The following DYRK1A variants were observed in gnomAD, a reference collection of about 807,000 sequenced individuals.
DYRK1A encodes the protein dual specificity tyrosine-phosphorylation-regulated kinase 1A.
DYRK1A carries 9 observed loss-of-function variants against 79.7 expected under a neutral mutation model. That is an observed-to-expected ratio of 0.11 (90% CI 0.07 to 0.20). The LOEUF is 0.20. DYRK1A is among the 10% of genes least tolerant of loss of function. The pLI, the probability that DYRK1A is intolerant of heterozygous loss-of-function variation, is 1.00. For missense variants in DYRK1A, 622 were observed against 956.0 expected (o/e 0.65, Z 4.61); for synonymous variants, 349 against 329.7 (o/e 1.06, Z -0.63).
At chr21:37,414,256 C>T (rs934450530) in intron 1 of DYRK1A, among the ~76,000 whole-genome samples, 12 of 151,960 alleles carry the variant, frequency 7.9e-5, no homozygotes, top group Admixed American at 7.2e-4. Context: ...TTTTTCCTCC[C>T]TTTTTGAGTA....
chr21:37,456,011 T>G (rs529468954), intron 2 of DYRK1A: 1 of 152,308 alleles, frequency 6.6e-6, no homozygotes, highest in South Asian at 2.1e-4. Flanking sequence ...CCTTGCACAC[T>G]TTTATCTGTC....
At chr21:37,502,404 A>G (rs572030682) in intron 9 of DYRK1A, 1 of 151,652 alleles carries the variant, frequency 6.6e-6, no homozygotes, top group South Asian at 2.1e-4. Flanking sequence ...TCTTGTACTG[A>G]TTTTTTTACT....
chr21:37,472,988 C>G, intron 3 of DYRK1A, 108 bp downstream of exon 3: 2 of 853,988 alleles, frequency 2.3e-6, no homozygotes, highest in Admixed American at 3.1e-5. Flanking sequence ...GTTTTACATG[C>G]AACGTGGGAT....
At position 37,367,418 on chromosome 21, in the gene DYRK1A, G is replaced by T. The variant is rs1222912771; in HGVS notation, c.-287G>T. 1.3e-5 allele frequency: 2 copies of T among 148,868 alleles called. No individual in the cohort carries two copies. The highest frequency in any genetic ancestry group is 1.3e-4 in the Admixed American group (2 of 15,004). The allele number at this position is 148,868 out of a possible 1,614,324, so 9.2% of individuals were successfully genotyped here. The stretch of plus-strand genomic sequence containing the variant: ...GGACTGCGGTATTTGCCGGGGAGGG[G>T]GCTGTCGCCTCCCCGGCCCCGGGCG... On this transcript the variant is annotated 5_prime_UTR_variant, in exon 1 of 12. Transcript: ENST00000647188.
upstream of DYRK1A, chr21:37,366,150 C>G (rs529604688): frequency 6.6e-6 from 1 of 151,666 alleles, no homozygotes; most frequent in African/African-American, 2.4e-5. Context: ...CGCCGCGCTT[C>G]CCGGGGAGAG....
intron 2 of DYRK1A, among the ~76,000 whole-genome samples, chr21:37,427,632 A>G (rs1167164540): frequency 1.3e-5 from 2 of 152,200 alleles, no homozygotes; most frequent in African/African-American, 4.8e-5. Context: ...CTTAGGTTCA[A>G]TTCCTAGAAG....
chr21:37,463,649 C>T (rs1489311950), intron 2 of DYRK1A, among the ~76,000 whole-genome samples: 1 of 152,108 alleles, frequency 6.6e-6, no homozygotes, highest in African/African-American at 2.4e-5. Context: ...TGAATGCAGG[C>T]CATGTGCCAG....
intron 11 of DYRK1A, among the ~76,000 whole-genome samples, chr21:37,509,612 G>A (rs188491554): frequency 6.6e-6 from 1 of 152,210 alleles, no homozygotes; most frequent in East Asian, 1.9e-4. Flanking sequence ...ACACCCTGCA[G>A]TGAGGTCTCA....
At chr21:37,468,478 G>A (rs2052110708) in intron 2 of DYRK1A, among the ~76,000 whole-genome samples, 1 of 152,140 alleles carries the variant, frequency 6.6e-6, no homozygotes, top group East Asian at 1.9e-4. Flanking sequence ...TTGTAATTTA[G>A]GTAGTGTCCA....
chr21:37,440,957 A>G (rs1253660158), intron 2 of DYRK1A, among the ~76,000 whole-genome samples: 1 of 151,968 alleles, frequency 6.6e-6, no homozygotes, highest in Non-Finnish European at 1.5e-5. Context: ...ATCTTTATTG[A>G]TTTTCTCTCC....
chr21:37,376,463 C>T (rs544204529), intron 1 of DYRK1A, among the ~76,000 whole-genome samples: 3 of 152,014 alleles, frequency 2.0e-5, no homozygotes, highest in Admixed American at 6.5e-5. Flanking sequence ...GGGCTGAGAT[C>T]GTGCCACTGC....
At chr21:37,419,685 G>A (rs1443006874) in intron 1 of DYRK1A, 1 of 152,056 alleles carries the variant, frequency 6.6e-6, no homozygotes, top group Non-Finnish European at 1.5e-5. Flanking sequence ...TTTCCTGTAA[G>A]TCATTATGAA....
At chr21:37,382,847 A>G (rs1399179517) in intron 1 of DYRK1A, among the ~76,000 whole-genome samples, 1 of 152,236 alleles carries the variant, frequency 6.6e-6, no homozygotes, top group Non-Finnish European at 1.5e-5. Flanking sequence ...AAAGTTGAAC[A>G]TTTAGAGAAA....
intron 2 of DYRK1A, among the ~76,000 whole-genome samples, chr21:37,441,033 T>C (rs2051087170): frequency 6.6e-6 from 1 of 151,668 alleles, no homozygotes. Flanking sequence ...TCTATCGTTG[T>C]AGTTTTATCA....
intron 6 of DYRK1A, chr21:37,488,742 G>C (rs1382963505): frequency 2.0e-6 from 2 of 985,276 alleles, no homozygotes; most frequent in Non-Finnish European, 2.4e-6. Context: ...TGTGATCACA[G>C]AGCTTCTTAA....
chr21:37,430,436 A>G, intron 2 of DYRK1A: 1 of 982,894 alleles, frequency 1.0e-6, no homozygotes, highest in Non-Finnish European at 1.2e-6. Flanking sequence ...TAATTCTATG[A>G]TATGTGTTCA....
At chr21:37,484,633 A>G (rs1443253424) in intron 5 of DYRK1A, among the ~76,000 whole-genome samples, 1 of 152,112 alleles carries the variant, frequency 6.6e-6, no homozygotes, top group Non-Finnish European at 1.5e-5. Context: ...ACAGGGCCTA[A>G]TAGCTTACTT....
chr21:37,433,044 A>AAAAAATATATAT (rs372461775), intron 2 of DYRK1A, among the ~76,000 whole-genome samples: 1 of 140,482 alleles, frequency 7.1e-6, no homozygotes, highest in African/African-American at 2.7e-5. Flanking sequence ...AGGAATTCTA[A>AAAAAATATATAT]ATATATATAT....
At chr21:37,376,690 G>A (rs2049548921) in intron 1 of DYRK1A, among the ~76,000 whole-genome samples, 1 of 152,112 alleles carries the variant, frequency 6.6e-6, no homozygotes, top group African/African-American at 2.4e-5. Flanking sequence ...TACTGGACTA[G>A]AGGGAGTGTC....
Sources: allele counts gnomAD v4.1 joint callset (sites outside exome capture counted in the v4.1 genomes callset), GRCh38; gene constraint gnomAD v4.1.1; transcripts MANE v1.5; gene names NCBI Gene and HGNC (gene_info 2026-07-23, HGNC 2026-07-21).